Variants in GSN observed in about 807,000 individuals in gnomAD.
The protein encoded by GSN is actin-depolymerizing factor.
In GSN, 56 loss-of-function variants were observed where a neutral mutation model predicts 85.7. That is an observed-to-expected ratio of 0.65 (90% CI 0.53 to 0.82). The LOEUF (loss-of-function observed/expected upper bound fraction) is 0.82, where lower values mean the gene tolerates loss of function less well. Among genes scored for constraint, GSN ranks in the 40% least tolerant of loss-of-function variants. The probability of loss-of-function intolerance (pLI) is 0.00; values close to 1 mark genes in which losing one functional copy is unlikely to be tolerated. For missense variants in GSN, 857 were observed against 979.8 expected, an observed-to-expected ratio of 0.87 and a Z score of 1.67; for synonymous variants, 373 against 399.1, an observed-to-expected ratio of 0.93 and a Z score of 0.78.
chr9:121,298,746 G>A (rs981712762), intron 2 of GSN, among the ~76,000 whole-genome samples: 2 of 152,210 alleles, frequency 1.3e-5, no homozygotes, highest in African/African-American at 4.8e-5. Context: ...GGGAGGTCTG[G>A]GATACAAAGA....
chr9:121,244,061 T>C (rs956622058), intron 5 of GSN, among the ~76,000 whole-genome samples: 1 of 152,236 alleles, frequency 6.6e-6, no homozygotes, highest in African/African-American at 2.4e-5. Flanking sequence ...CCCTGTAATA[T>C]TGTCTTTTTG....
At chr9:121,324,034 G>A (rs1218280647) in intron 11 of GSN, among the ~76,000 whole-genome samples, 1 of 152,192 alleles carries the variant, frequency 6.6e-6, no homozygotes, top group Non-Finnish European at 1.5e-5. Context: ...AAAGAGGTGG[G>A]ATAGAAAGGC....
rs530511883 is a variant in GSN at position 121,318,388 on chromosome 9, T to A, written c.887-18T>A. ...CCCGGGCCTCTAACCCTCCATCACT[T>A]CCTCTGGCTGCCAACAGGCAAGCAG... On this transcript the variant is annotated intron_variant, in intron 8 of 17. Transcript: ENST00000432226. The surrounding 1 kb of genome is among the most constrained non-coding windows in gnomAD (Gnocchi z 4.3). The A allele has an allele frequency of 4.0e-5, 65 of 1,609,208 alleles. No homozygotes were observed. Among genetic ancestry groups the A allele is most frequent in the Admixed American group, 2.7e-4 (16 of 60,004 alleles).
Position 121,261,704 on chromosome 9 carries a change from C to G in GSN, c.-340-3450C>G, listed in dbSNP as rs1292082632. Among the ~76,000 whole-genome samples, 2 of 152,128 alleles carry G rather than the reference C, an allele frequency of 1.3e-5. No homozygotes were observed. The highest frequency in any genetic ancestry group is 4.8e-5 in the African/African-American group (2 of 41,418). ...TAACTCAGTGGATGTACCCTGTATC[C>G]CTGACACACTGGCTCAAGCTCATTC... On this transcript the variant is annotated intron_variant, in intron 6 of 24. Coordinates refer to the GSN transcript ENST00000373823. The surrounding 1 kb of genome is among the most constrained non-coding windows in gnomAD (Gnocchi z 4.1).
rs1314268647 is a variant in GSN at position 121,328,926 on chromosome 9, T to C, written c.1798T>C (p.Tyr600His). Residue 600 changes from tyrosine to histidine, a missense_variant, in exon 15 of 18, where the codon TAC (tyrosine) becomes CAC (histidine). Transcript: ENST00000432226. Reference sequence around the variant, plus strand: ...GGAGGCCCTGGGCGGGAAGGCTGCCTACCGCACATCCCCACGGCTGAAGGA... The same window carrying C: ...GGAGGCCCTGGGCGGGAAGGCTGCCCACCGCACATCCCCACGGCTGAAGGA... ...FWEALGGKAA[Y>H]RTSPRLKDKK... 1 of 1,613,444 alleles carries C rather than the reference T, an allele frequency of 6.2e-7. No homozygotes were observed.
chr9:121,213,382 C>T lies in GSN; in HGVS notation c.-528+2515C>T, dbSNP rs535947650. The stretch of plus-strand genomic sequence containing the variant: ...ACAAATCCAGAGGAGCCGAATCAGG[C>T]GTGCTCCACCAGAGGGCGCAGCAGG... On this transcript the variant is annotated intron_variant, in intron 4 of 24. Coordinates refer to the GSN transcript ENST00000373823. Among the ~76,000 whole-genome samples, 9 of 152,346 alleles carry T rather than the reference C, an allele frequency of 5.9e-5. No homozygotes were observed. In the East Asian group the frequency reaches 1.4e-3, roughly 23 times the overall value.
At chr9:121,278,848 C>G (rs1187827107) in intron 1 of GSN, among the ~76,000 whole-genome samples, 1 of 152,184 alleles carries the variant, frequency 6.6e-6, no homozygotes, top group Admixed American at 6.5e-5. Flanking sequence ...AAACTCAGCT[C>G]CTGGGGTGTG....
intron 10 of GSN, among the ~76,000 whole-genome samples, chr9:121,320,649 A>G (rs1382903267): frequency 6.6e-6 from 1 of 151,878 alleles, no homozygotes; most frequent in Non-Finnish European, 1.5e-5. Flanking sequence ...TCGTCTCAAA[A>G]AACAAAAAAA....
chr9:121,212,015 T>C (rs1236942552), intron 4 of GSN, among the ~76,000 whole-genome samples: 1 of 152,154 alleles, frequency 6.6e-6, no homozygotes, highest in East Asian at 1.9e-4. Context: ...TGACTAATGA[T>C]TGAGCTCAAA....
intron 6 of GSN, among the ~76,000 whole-genome samples, chr9:121,254,634 A>T (rs2054911981): frequency 6.6e-6 from 1 of 152,332 alleles, no homozygotes; most frequent in South Asian, 2.1e-4. Context: ...CTCCTCTGAA[A>T]GAGCAATTTT....
intron 1 of GSN, among the ~76,000 whole-genome samples, chr9:121,269,357 C>T (rs1351557521): frequency 1.3e-5 from 2 of 152,022 alleles, no homozygotes; most frequent in Admixed American, 6.5e-5. Flanking sequence ...AAGTCAAGGA[C>T]CCAGAGAGTT....
At chr9:121,303,791 A>G (rs1189213916) in intron 4 of GSN, among the ~76,000 whole-genome samples, 2 of 152,152 alleles carry the variant, frequency 1.3e-5, no homozygotes, top group East Asian at 3.9e-4. Context: ...TGGAAGGGCT[A>G]TGGAAACACT....
chr9:121,303,834 A>G (rs1298995497), intron 4 of GSN, among the ~76,000 whole-genome samples: 1 of 152,200 alleles, frequency 6.6e-6, no homozygotes, highest in African/African-American at 2.4e-5. Context: ...TTCCTTGGTC[A>G]GGATAGAGAA....
chr9:121,216,514 C>G (rs2054067295), intron 4 of GSN, among the ~76,000 whole-genome samples: 3 of 152,346 alleles, frequency 2.0e-5, no homozygotes, highest in Admixed American at 1.3e-4. Flanking sequence ...CCCCCAGAAA[C>G]AGTCCCTAAC....
chr9:121,242,581 A>T (rs1167245964), intron 5 of GSN, among the ~76,000 whole-genome samples: 1 of 152,228 alleles, frequency 6.6e-6, no homozygotes, highest in Non-Finnish European at 1.5e-5. Context: ...ATATATGTTA[A>T]ATTGAGAAAT....
At chr9:121,294,550 G>A (rs952206298) in intron 2 of GSN, among the ~76,000 whole-genome samples, 1 of 152,222 alleles carries the variant, frequency 6.6e-6, no homozygotes, top group African/African-American at 2.4e-5. Flanking sequence ...GGCTCCGGAA[G>A]CTGGGAAAGG....
intron 10 of GSN, 53 bp from the exon 11 acceptor site, chr9:121,321,205 GGCTTGCCTGA>G: frequency 6.3e-7 from 1 of 1,594,996 alleles, no homozygotes; most frequent in Non-Finnish European, 8.6e-7. Flanking sequence ...GCGGTTTCCT[GGCTTGCCTGA>G]GCTGGGGGGT....
upstream of GSN, among the ~76,000 whole-genome samples, chr9:121,207,453 A>T (rs1360165012): frequency 9.2e-5 from 14 of 152,156 alleles, no homozygotes; most frequent in East Asian, 2.7e-3. Flanking sequence ...AAGTAATTAT[A>T]TCTATTTTTG....
intron 6 of GSN, 100 bp downstream of exon 6, chr9:121,312,588 A>C: frequency 1.1e-5 from 10 of 902,494 alleles, no homozygotes; most frequent in East Asian, 5.8e-5. Flanking sequence ...GAAAAAAAAA[A>C]ACTTCCGCTC....
Sources: allele counts gnomAD v4.1 joint callset (sites outside exome capture counted in the v4.1 genomes callset), GRCh38; gene constraint gnomAD v4.1.1; non-coding constraint Gnocchi (gnomAD v3.1); transcripts MANE v1.5; gene names NCBI Gene and HGNC (gene_info 2026-07-23, HGNC 2026-07-21).